RBM5: variants seen among roughly 807,000 people sequenced by gnomAD.
RBM5 encodes RNA binding motif protein 5, also known as RNA-binding protein 5.
Under a neutral mutation model 124.6 loss-of-function variants are expected in RBM5, and 15 were observed. The ratio of observed to expected loss-of-function variants is 0.12; its 90% CI spans 0.08 to 0.19. RBM5 has a LOEUF of 0.19. Among genes scored for constraint, RBM5 ranks in the 10% least tolerant of loss-of-function variants. The pLI is 1.00. For synonymous variants in RBM5, 337 were observed against 361.2 expected (o/e 0.93, Z 0.76); for missense variants, 580 against 1,026.5 (o/e 0.57, Z 5.94).
intron 4 of RBM5, among the ~76,000 whole-genome samples, chr3:50,095,559 A>C (rs965953588): frequency 2.6e-5 from 4 of 151,494 alleles, no homozygotes; most frequent in African/African-American, 9.7e-5. Context: ...GCCACACCCT[A>C]CTTTCCACAT....
At chr3:50,108,430 CG>C in intron 14 of RBM5, 126 bp downstream of exon 14, 1 of 959,880 alleles carries the variant, frequency 1.0e-6, no homozygotes, top group Non-Finnish European at 1.6e-6. Flanking sequence ...GGGGCATGGC[CG>C]GGCACGGTGG....
Position 50,117,303 on chromosome 3 carries a change from A to G in RBM5, c.2246A>G (p.Lys749Arg). ...ATTGACCACAGTAACATTGGCAACA[A>G]GATGCTGCAGGCCATGGGCTGGCGG... ...DGIDHSNIGN[K>R]MLQAMGWREG... Residue 749 changes from lysine (K) to arginine (R), a missense_variant, in exon 24 of 25, where the codon AAG becomes AGG. Coordinates refer to ENST00000347869, the MANE Select transcript of RBM5 (RefSeq NM_005778.4). The surrounding 1 kb of genome is among the most constrained non-coding windows in gnomAD (Gnocchi z 4.2). 1 of 1,614,270 alleles carries G rather than the reference A, an allele frequency of 6.2e-7. No individual in the cohort carries two copies. The highest frequency in any genetic ancestry group is 8.5e-7 in the Non-Finnish European group (1 of 1,180,048).
chr3:50,115,192 C>T (rs2091223727), intron 20 of RBM5: 3 of 474,602 alleles, frequency 6.3e-6, no homozygotes, highest in African/African-American at 2.1e-5. Context: ...AAGGTAGTCA[C>T]CCAGGAATCC....
intron 8 of RBM5, chr3:50,104,868 G>A (rs2091001053): frequency 2.0e-6 from 1 of 501,712 alleles, no homozygotes; most frequent in Middle Eastern, 5.5e-4. Context: ...TTTAGTGCAG[G>A]GTAGTGTCAG....
At chr3:50,092,662 AC>A (rs1454901586) in intron 3 of RBM5, 2 of 435,880 alleles carry the variant, frequency 4.6e-6, no homozygotes, top group Non-Finnish European at 9.3e-6. Flanking sequence ...AGGTCTCAGT[AC>A]AACCTGATAA....
At chr3:50,090,225 G>A (rs1012602278) in intron 1 of RBM5, 157 bp from the exon 2 acceptor site, 16 of 510,390 alleles carry the variant, frequency 3.1e-5, no homozygotes, top group African/African-American at 1.7e-4. Flanking sequence ...CGATTTTAAC[G>A]TTGACAGTTT....
At chr3:50,090,325 G>A in intron 1 of RBM5, 57 bp from the exon 2 acceptor site, 3 of 1,180,728 alleles carry the variant, frequency 2.5e-6, no homozygotes, top group South Asian at 2.6e-5. Context: ...AAGCTATGGA[G>A]CTGCTGACTT....
At chr3:50,107,680 T>TC (rs2109008213) in intron 12 of RBM5, 111 bp downstream of exon 12, 1 of 448,718 alleles carries the variant, frequency 2.2e-6, no homozygotes, top group East Asian at 3.3e-5. Flanking sequence ...TTCTTTTTTT[T>TC]TTTTTTTTTT....
intron 20 of RBM5, chr3:50,114,761 T>A (rs1489193459): frequency 6.4e-6 from 1 of 155,404 alleles, no homozygotes; most frequent in Non-Finnish European, 1.4e-5. Context: ...GTAAGAGAAT[T>A]GCTTGAGCCC....
chr3:50,110,789 TC>T lies in RBM5; in HGVS notation c.1455+21del. 2 of 1,570,220 alleles carry T rather than the reference TC, an allele frequency of 1.3e-6. No individual in the cohort carries two copies. Among genetic ancestry groups the T allele is most frequent in the Non-Finnish European group, 8.7e-7 (1 of 1,145,362 alleles). ...CTCGCAAGTAAATGTGCTGCTTTCC[TC>T]CTCAATTTCACTAGAAGTAGTTTCG... On this transcript the variant is annotated intron_variant, in intron 17 of 24. Transcript: ENST00000347869.
At chr3:50,112,178 G>A (rs1191869922) in intron 17 of RBM5, 2 of 149,824 alleles carry the variant, frequency 1.3e-5, no homozygotes, top group East Asian at 3.9e-4. Flanking sequence ...GCCAAGATGG[G>A]AGGATCACTA....
At position 50,107,532 on chromosome 3, in the gene RBM5, G is replaced by T; in HGVS notation, c.1004G>T (p.Ser335Ile). The T allele has an allele frequency of 6.2e-7, 1 of 1,611,456 alleles. No individual in the cohort carries two copies. The highest frequency in any genetic ancestry group is 8.5e-7 in the Non-Finnish European group (1 of 1,177,578). ...CGCGTCAGCGCTTTCTCTGTAGCTA[G>T]TACGGCTATTGCTGCTGCTCAGTGG... ...GNRVSAFSVASTAIAAAQWSS... is the reference protein window; with the variant it reads ...GNRVSAFSVAITAIAAAQWSS... Residue 335 changes from serine (S) to isoleucine (I), a missense_variant, in exon 12 of 25, where the codon AGT becomes ATT. Around this residue, in one of 6 missense-constraint regions of RBM5, gnomAD observed 42 missense variants for 101.1 expected, o/e 0.42. Transcript: ENST00000347869.
At chr3:50,107,843 C>T (rs982537955) in intron 12 of RBM5, among the ~76,000 whole-genome samples, 2 of 151,616 alleles carry the variant, frequency 1.3e-5, no homozygotes, top group Non-Finnish European at 2.9e-5. Flanking sequence ...CCTGCCACCA[C>T]GCCTGGCTAA....
rs1046529635 is a variant in RBM5, at chr3:50,117,724, T to C, written c.2322+345T>C. ...AGAACCTGGCAGGAGGAGGTTGCAG[T>C]GAGCCGAGATCACGCCACTGCACTC... On this transcript the variant is annotated intron_variant, in intron 24 of 24. Transcript: ENST00000347869. This position sits in a 1 kb window ranked among gnomAD's most constrained non-coding sequence, Gnocchi z 4.2. 4.5e-5 allele frequency: 9 copies of C among 201,176 alleles called. No homozygotes were observed. The highest frequency in any genetic ancestry group is 2.1e-4 in the African/African-American group (9 of 42,774). 12.5% of individuals were successfully genotyped at this position (201,176 alleles called of 1,614,324 possible).
At chr3:50,090,283 G>A (rs901010300) in intron 1 of RBM5, 99 bp from the exon 2 acceptor site, 2 of 719,762 alleles carry the variant, frequency 2.8e-6, no homozygotes, top group African/African-American at 1.8e-5. Context: ...ATGATTTGAA[G>A]GTTTGATGAA....
Position 50,100,279 on chromosome 3 carries a change from CCTT to C in RBM5, c.409+229_409+231del. 1 of 556,954 alleles carries C rather than the reference CCTT, an allele frequency of 1.8e-6. No homozygotes were observed. The highest frequency in any genetic ancestry group is 3.1e-6 in the Non-Finnish European group (1 of 320,078). 34.5% of individuals were successfully genotyped at this position (556,954 alleles called of 1,614,324 possible). A position where few individuals can be genotyped will look rare whatever the true frequency, so the allele number is the denominator to read the frequency against. On this transcript the variant is annotated intron_variant, in intron 5 of 24. Coordinates refer to ENST00000347869, the MANE Select transcript of RBM5 (RefSeq NM_005778.4). This position sits in a 1 kb window ranked among gnomAD's most constrained non-coding sequence, Gnocchi z 5.1. Reference sequence around the variant, plus strand: ...TTAGGTAAGTAATGATTTATAAACTCCTTTTTTTTTTTGACTATAGTCGGTTGC... The same window carrying C: ...TTAGGTAAGTAATGATTTATAAACTCTTTTTTTTTGACTATAGTCGGTTGC...
At position 50,117,408 on chromosome 3, in the gene RBM5, T is replaced by G; in HGVS notation, c.2322+29T>G. 2 of 1,611,626 alleles carry G rather than the reference T, an allele frequency of 1.2e-6. No homozygotes were observed. Among genetic ancestry groups the G allele is most frequent in the South Asian group, 2.2e-5 (2 of 90,958 alleles). ...AGCAGTGGGGTCAGGTCTTGATGTTTGCCAGGCTTACAGGCCGGTTCCAGA... is the reference window on the plus strand; with the variant it reads ...AGCAGTGGGGTCAGGTCTTGATGTTGGCCAGGCTTACAGGCCGGTTCCAGA... On this transcript the variant is annotated intron_variant, in intron 24 of 24. Coordinates refer to ENST00000347869, the MANE Select transcript of RBM5 (RefSeq NM_005778.4). This position sits in a 1 kb window ranked among gnomAD's most constrained non-coding sequence, Gnocchi z 4.2.
At chr3:50,106,264 C>G (rs1323360148) in intron 10 of RBM5, among the ~76,000 whole-genome samples, 1 of 151,192 alleles carries the variant, frequency 6.6e-6, no homozygotes, top group Non-Finnish European at 1.5e-5. Flanking sequence ...CCTCAGCCTC[C>G]TGAGTATCTG....
chr3:50,090,418 A>G lies in RBM5; in HGVS notation c.-17A>G. On this transcript the variant is annotated 5_prime_UTR_variant, in exon 2 of 25. Transcript: ENST00000347869. ...TTTGAACCTTTTGGAGCTGTGTGCT[A>G]AATCTTCAGTGGGACAATGGGTTCA... 1.9e-6 allele frequency: 3 copies of G among 1,613,940 alleles called. No homozygotes were observed. Among genetic ancestry groups the G allele is most frequent in the African/African-American group, 1.3e-5 (1 of 75,044 alleles).
Sources: gnomAD v4.1 joint callset for allele counts (sites outside exome capture counted in the v4.1 genomes callset) on GRCh38, gnomAD v4.1.1 for gene constraint, gnomAD v4.1.1 regional missense constraint, Gnocchi (gnomAD v3.1) non-coding constraint, MANE v1.5 for transcripts, NCBI Gene and HGNC (gene_info 2026-07-23, HGNC 2026-07-21) for gene names.